SLC9A4: variants seen among roughly 807,000 people sequenced by gnomAD.
SLC9A4 encodes the protein sodium/hydrogen exchanger 4.
SLC9A4 carries 63 observed loss-of-function variants against 67.4 expected under a neutral mutation model. That is an observed-to-expected ratio of 0.93 (90% CI 0.76 to 1.15). The LOEUF is 1.15. Among genes scored for constraint, SLC9A4 ranks in the 50% most tolerant of loss-of-function variants. The pLI, the probability that SLC9A4 is intolerant of heterozygous loss-of-function variation, is 0.00. For missense variants in SLC9A4, 1,089 were observed against 987.7 expected (o/e 1.10, Z -1.38); for synonymous variants, 393 against 367.2 (o/e 1.07, Z -0.80).
At chr2:102,480,879 G>C (rs1401692936) in intron 2 of SLC9A4, among the ~76,000 whole-genome samples, 1 of 152,190 alleles carries the variant, frequency 6.6e-6, no homozygotes, top group East Asian at 1.9e-4. Context: ...TGCCCCGCAG[G>C]ACCACACAGA....
intron 2 of SLC9A4, among the ~76,000 whole-genome samples, chr2:102,488,835 C>T (rs979832888): frequency 6.6e-6 from 1 of 152,212 alleles, no homozygotes; most frequent in Non-Finnish European, 1.5e-5. Flanking sequence ...GCGTGAGCCA[C>T]TGCGCCAGGC....
At chr2:102,519,378 G>T (rs1443180069) in intron 8 of SLC9A4, among the ~76,000 whole-genome samples, 1 of 151,398 alleles carries the variant, frequency 6.6e-6, no homozygotes, top group Admixed American at 6.6e-5. Flanking sequence ...TGTGTAGATG[G>T]TATTAATCTG....
rs1338365958 is a variant in SLC9A4, at chr2:102,503,557, G to A, written c.830G>A (p.Gly277Glu). Residue 277 changes from glycine (G) to glutamate (E), a missense_variant, in exon 3 of 12, where the codon GGG becomes GAG. Physicochemically the swap from Gly to Glu is moderately conservative, Grantham distance 98. Transcript: ENST00000295269. The stretch of plus-strand genomic sequence containing the variant: ...CGATTCATCGTTGTGGGGCTTGGAG[G>A]GGTATTGTTTGGCATCGTTTTTGGA... ...CARFIVVGLG[G>E]VLFGIVFGFI... 1.2e-6 allele frequency: 2 copies of A among 1,614,122 alleles called. No homozygotes were observed. Among genetic ancestry groups the A allele is most frequent in the Middle Eastern group, 1.6e-4 (1 of 6,062 alleles).
chr2:102,485,355 A>G (rs1377233730), intron 2 of SLC9A4, among the ~76,000 whole-genome samples: 2 of 152,242 alleles, frequency 1.3e-5, no homozygotes, highest in East Asian at 1.9e-4. Context: ...TGAGGCAATC[A>G]GTGGCAACAG....
chr2:102,517,911 A>C (rs1253872533), intron 8 of SLC9A4, among the ~76,000 whole-genome samples: 2 of 152,172 alleles, frequency 1.3e-5, no homozygotes, highest in Admixed American at 1.3e-4. Flanking sequence ...TTATAAGTTG[A>C]CTTGATATAG....
intron 2 of SLC9A4, among the ~76,000 whole-genome samples, chr2:102,490,241 C>G (rs1207854314): frequency 6.6e-6 from 1 of 152,182 alleles, no homozygotes; most frequent in African/African-American, 2.4e-5. Context: ...ACATAGCCCT[C>G]TGTATTAGCC....
At chr2:102,512,911 AGG>A (rs1291009620) in intron 7 of SLC9A4, among the ~76,000 whole-genome samples, 1 of 152,116 alleles carries the variant, frequency 6.6e-6, no homozygotes, top group Non-Finnish European at 1.5e-5. Flanking sequence ...AAAGTGCGGA[AGG>A]AGATTGAGAA....
At chr2:102,520,588 C>A (rs1433553383) in intron 9 of SLC9A4, among the ~76,000 whole-genome samples, 3 of 152,194 alleles carry the variant, frequency 2.0e-5, no homozygotes, top group East Asian at 3.9e-4. Flanking sequence ...CATATAATGA[C>A]AAGTTTTTTC....
At chr2:102,531,062 C>CTTTTTTT (rs5833023) in intron 11 of SLC9A4, among the ~76,000 whole-genome samples, 3 of 116,290 alleles carry the variant, frequency 2.6e-5, no homozygotes, top group Non-Finnish European at 5.0e-5. Context: ...TACCTAAATT[C>CTTTTTTT]TTTTTTTTTT....
intron 1 of SLC9A4, among the ~76,000 whole-genome samples, chr2:102,477,824 A>G (rs1684365223): frequency 6.6e-6 from 1 of 152,214 alleles, no homozygotes; most frequent in African/African-American, 2.4e-5. Flanking sequence ...TGTGGGAGAC[A>G]GACTTGGAGA....
intron 9 of SLC9A4, among the ~76,000 whole-genome samples, chr2:102,520,273 G>A (rs2104445311): frequency 6.6e-6 from 1 of 152,218 alleles, no homozygotes; most frequent in East Asian, 1.9e-4. Context: ...CCACACCACA[G>A]AACAAAGATG....
rs879258458 is a variant in SLC9A4 at position 102,532,727 on chromosome 2, G to A, written c.*39G>A. 1.3e-6 allele frequency: 2 copies of A among 1,562,074 alleles called. No homozygotes were observed. The highest frequency in any genetic ancestry group is 2.3e-5 in the South Asian group (2 of 85,330). On this transcript the variant is annotated 3_prime_UTR_variant, in exon 12 of 12. Transcript: ENST00000295269. ...AAGATTGTTTTGGTGTTTCTCAAGAGTCTGTCTTCCTATAACTGTGAAAGG... is the reference window on the plus strand; with the variant it reads ...AAGATTGTTTTGGTGTTTCTCAAGAATCTGTCTTCCTATAACTGTGAAAGG...
chr2:102,513,948 A>C, intron 7 of SLC9A4, 142 bp from the exon 8 acceptor site: 1 of 1,195,542 alleles, frequency 8.4e-7, no homozygotes, highest in East Asian at 2.8e-5. Flanking sequence ...AAATGTGTTC[A>C]AATGCTATGA....
chr2:102,528,467 T>A (rs1477349574), intron 11 of SLC9A4, among the ~76,000 whole-genome samples: 1 of 152,006 alleles, frequency 6.6e-6, no homozygotes, highest in Non-Finnish European at 1.5e-5. Flanking sequence ...GGTCTCCCTA[T>A]GTTGCCCAGG....
intron 2 of SLC9A4, among the ~76,000 whole-genome samples, chr2:102,481,323 A>C (rs1039802008): frequency 3.3e-5 from 5 of 152,136 alleles, no homozygotes; most frequent in African/African-American, 9.7e-5. Context: ...TTGTTTCCTT[A>C]ATGTTTTCTA....
intron 1 of SLC9A4, among the ~76,000 whole-genome samples, chr2:102,474,423 G>A (rs1684285299): frequency 6.6e-6 from 1 of 152,146 alleles, no homozygotes. Flanking sequence ...GTGTAATTGT[G>A]GGCTTCATCA....
chr2:102,526,266 C>T lies in SLC9A4; in HGVS notation c.1958C>T (p.Thr653Ile). ...HSLPWGKPAG[T>I]KNIRYLSYPY... ...TCTACTTGCTACCCACAGGCTGGCA[C>T]CAAGAATATCCGCTACCTCTCCTAC... Residue 653 changes from threonine (T) to isoleucine (I), a missense_variant, in exon 11 of 12, where the codon ACC (threonine) becomes ATC (isoleucine). By Grantham distance (89) the Thr-to-Ile change is moderately conservative (BLOSUM62 -1). Transcript: ENST00000295269. 6.2e-7 allele frequency: 1 copy of T among 1,613,650 alleles called. No individual in the cohort carries two copies. Among genetic ancestry groups the T allele is most frequent in the Non-Finnish European group, 8.5e-7 (1 of 1,179,660 alleles).
At position 102,486,122 on chromosome 2, in the gene SLC9A4, A is replaced by G. The variant is rs530930539; in HGVS notation, c.720+6820A>G. On this transcript the variant is annotated intron_variant, in intron 2 of 11. Coordinates refer to ENST00000295269, the MANE Select transcript of SLC9A4 (RefSeq NM_001011552.4). ...TTACTCTATTACTTCTTATTCAAAA[A>G]GTAGTAAAGCATAGCCAAGAACATG... is the stretch of plus-strand genomic sequence containing the variant. Among the ~76,000 whole-genome samples the G allele has an allele frequency of 5.3e-4, 80 of 152,280 alleles. 1 individual carries two copies. In the South Asian group the frequency reaches 0.016, roughly 30 times the overall value.
At chr2:102,484,869 C>A (rs1055130727) in intron 2 of SLC9A4, among the ~76,000 whole-genome samples, 3 of 152,148 alleles carry the variant, frequency 2.0e-5, no homozygotes, top group Middle Eastern at 3.2e-3. Flanking sequence ...GGTACTTCCC[C>A]TTTTCCTCAT....
Sources: allele counts gnomAD v4.1 joint callset (sites outside exome capture counted in the v4.1 genomes callset), GRCh38; gene constraint gnomAD v4.1.1; transcripts MANE v1.5; gene names NCBI Gene and HGNC (gene_info 2026-07-23, HGNC 2026-07-21).